The following NOVA1 variants were observed in gnomAD, a reference collection of about 807,000 sequenced individuals.
The protein encoded by NOVA1 is NOVA alternative splicing regulator 1, also known as RNA-binding protein Nova-1.
In NOVA1, 7 loss-of-function variants were observed where a neutral mutation model predicts 38.0. That is an observed-to-expected ratio of 0.18 (90% CI 0.10 to 0.35). The LOEUF is 0.35. NOVA1 is among the 10% of genes least tolerant of loss of function. NOVA1 has a pLI of 1.00. For missense variants in NOVA1, 460 were observed against 616.0 expected, an observed-to-expected ratio of 0.75 and a Z score of 2.68; for synonymous variants, 270 against 232.5, an observed-to-expected ratio of 1.16 and a Z score of -1.47.
chr14:26,470,411 C>A (rs908835180), intron 4 of NOVA1: 56 of 1,507,018 alleles, frequency 3.7e-5, no homozygotes. Context: ...TTGATGATTA[C>A]AATTCTTTCA....
At chr14:26,538,458 C>T (rs1003805766) in intron 2 of NOVA1, among the ~76,000 whole-genome samples, 1 of 151,992 alleles carries the variant, frequency 6.6e-6, no homozygotes, top group Non-Finnish European at 1.5e-5. Flanking sequence ...ACATTTTTAC[C>T]ATGGAAAAGT....
chr14:26,496,662 A>AT (rs1886817532), intron 2 of NOVA1, among the ~76,000 whole-genome samples: 1 of 152,082 alleles, frequency 6.6e-6, no homozygotes, highest in Non-Finnish European at 1.5e-5. Flanking sequence ...TCTTGAATTG[A>AT]TTTTTGTATA....
rs1042126163 is a variant in NOVA1 at position 26,534,388 on chromosome 14, G to A, written c.281-54245C>T. Among the ~76,000 whole-genome samples the A allele has an allele frequency of 6.6e-5, 10 of 151,868 alleles. 1 individual carries two copies. Among genetic ancestry groups the A allele is most frequent in the East Asian group, 1.9e-4 (1 of 5,184 alleles). On this transcript the variant is annotated intron_variant, in intron 2 of 4. Coordinates refer to ENST00000539517, the MANE Select transcript of NOVA1 (RefSeq NM_002515.3). ...TCTCTATGATTAGGAAAAAATACCC[G>A]TCTGAAAACAACAGAAAATATCATG...
chr14:26,550,340 T>C lies in NOVA1; in HGVS notation c.280+45070A>G, dbSNP rs145909489. Among the ~76,000 whole-genome samples the C allele has an allele frequency of 3.3e-4, 51 of 152,296 alleles. No individual in the cohort carries two copies. In the East Asian group the frequency reaches 8.7e-3, roughly 26 times the overall value. On this transcript the variant is annotated intron_variant, in intron 2 of 4. Transcript: ENST00000539517. The stretch of plus-strand genomic sequence containing the variant: ...GTTATTCTGAAATTCCGAATTACTT[T>C]ATATTTGAAAAAGAATTTTTTGAAA...
chr14:26,507,709 C>T (rs991101977), intron 2 of NOVA1, among the ~76,000 whole-genome samples: 2 of 152,090 alleles, frequency 1.3e-5, no homozygotes, highest in Non-Finnish European at 2.9e-5. Context: ...AAGTTTCCTA[C>T]TGTTTTTCCA....
intron 2 of NOVA1, among the ~76,000 whole-genome samples, chr14:26,589,951 T>C (rs1594591857): frequency 6.6e-6 from 1 of 151,820 alleles, no homozygotes; most frequent in East Asian, 1.9e-4. Context: ...TCCTTGCATG[T>C]TGCGTTTTAT....
chr14:26,448,685 A>G lies in NOVA1; in HGVS notation c.798T>C (p.Asn266=), dbSNP rs1355550469. The G allele has an allele frequency of 1.2e-6, 2 of 1,614,084 alleles. No homozygotes were observed. Among genetic ancestry groups the G allele is most frequent in the East Asian group, 4.5e-5 (2 of 44,890 alleles). ...ANVTGPVANS[N]PTGSPYANTA... ...TGTTTGCATAAGGAGATCCGGTTGG[A>G]TTGGAATTTGCCACTGGACCTGTCA... The change falls in exon 5 of 5, where the codon AAT becomes AAC. Residue 266 remains asparagine (N), a synonymous_variant. Transcript: ENST00000539517. The surrounding 1 kb of genome is among the most constrained non-coding windows in gnomAD (Gnocchi z 5.3).
At chr14:26,585,683 A>C (rs1487289704) in intron 2 of NOVA1, among the ~76,000 whole-genome samples, 4 of 151,206 alleles carry the variant, frequency 2.6e-5, no homozygotes, top group African/African-American at 9.7e-5. Flanking sequence ...CTAATTCTTA[A>C]ACTCATATTG....
At chr14:26,559,492 A>C (rs2138675826) in intron 2 of NOVA1, among the ~76,000 whole-genome samples, 1 of 152,332 alleles carries the variant, frequency 6.6e-6, no homozygotes, top group Admixed American at 6.5e-5. Flanking sequence ...TTACAAATAC[A>C]AATATCAATG....
chr14:26,535,147 TA>T (rs1889975447), intron 2 of NOVA1, among the ~76,000 whole-genome samples: 2 of 152,268 alleles, frequency 1.3e-5, no homozygotes, highest in South Asian at 4.1e-4. Context: ...CAACCAGGAA[TA>T]ATATTACATG....
intron 2 of NOVA1, among the ~76,000 whole-genome samples, chr14:26,487,247 G>A (rs1031600897): frequency 7.2e-5 from 11 of 152,206 alleles, no homozygotes; most frequent in Admixed American, 5.9e-4. Flanking sequence ...GGTCTTCTCT[G>A]AAGCTCACAA....
At chr14:26,495,350 C>T (rs373364067) in intron 2 of NOVA1, among the ~76,000 whole-genome samples, 2 of 152,274 alleles carry the variant, frequency 1.3e-5, no homozygotes, top group East Asian at 3.9e-4. Context: ...TCTGGTGGAA[C>T]AAAAGGTCCA....
At chr14:26,464,612 C>G (rs1282756345) in intron 4 of NOVA1, among the ~76,000 whole-genome samples, 2 of 152,080 alleles carry the variant, frequency 1.3e-5, no homozygotes, top group Non-Finnish European at 2.9e-5. Flanking sequence ...TTAATGCTGG[C>G]TGATCTCAAT....
At chr14:26,558,982 C>T (rs182779131) in intron 2 of NOVA1, among the ~76,000 whole-genome samples, 19 of 152,094 alleles carry the variant, frequency 1.2e-4, no homozygotes, top group African/African-American at 4.3e-4. Flanking sequence ...TCATGCACCT[C>T]GCTTGGATGC....
chr14:26,472,353 T>C lies in NOVA1; in HGVS notation c.486A>G (p.Pro162=). 6.3e-7 allele frequency: 1 copy of C among 1,581,312 alleles called. No homozygotes were observed. Among genetic ancestry groups the C allele is most frequent in the Non-Finnish European group, 8.6e-7 (1 of 1,161,076 alleles). Residue 162 remains proline (P), a synonymous_variant, in exon 4 of 5, where the codon CCA becomes CCG. Transcript: ENST00000539517. ...CTCTGGAGGTGGTCATGGGATCAGATGGAGAGGACTTGGTGGTAGTTGGGG... is the reference window on the plus strand; with the variant it reads ...CTCTGGAGGTGGTCATGGGATCAGACGGAGAGGACTTGGTGGTAGTTGGGG... ...PSSPTTTKSS[P]SDPMTTSRAN...
chr14:26,516,032 T>A (rs1888440220), intron 2 of NOVA1, among the ~76,000 whole-genome samples: 1 of 152,160 alleles, frequency 6.6e-6, no homozygotes, highest in Non-Finnish European at 1.5e-5. Flanking sequence ...TTTATGAGAG[T>A]TAATCCACAT....
intron 2 of NOVA1, among the ~76,000 whole-genome samples, chr14:26,498,610 T>C (rs1887002357): frequency 6.6e-6 from 1 of 152,168 alleles, no homozygotes; most frequent in Non-Finnish European, 1.5e-5. Context: ...CATTTGTATA[T>C]GTAGTATCAG....
chr14:26,514,874 C>T (rs1222803914), intron 2 of NOVA1, among the ~76,000 whole-genome samples: 1 of 151,756 alleles, frequency 6.6e-6, no homozygotes, highest in Non-Finnish European at 1.5e-5. Context: ...TATATTTGTC[C>T]TTACCTTCAA....
At chr14:26,532,295 AAT>A (rs1889772158) in intron 2 of NOVA1, among the ~76,000 whole-genome samples, 1 of 152,250 alleles carries the variant, frequency 6.6e-6, no homozygotes, top group Admixed American at 6.5e-5. Flanking sequence ...AAGGTCCATT[AAT>A]AGATAAATAA....
Sources: allele counts gnomAD v4.1 joint callset (sites outside exome capture counted in the v4.1 genomes callset), GRCh38; gene constraint gnomAD v4.1.1; non-coding constraint Gnocchi (gnomAD v3.1); transcripts MANE v1.5; gene names NCBI Gene and HGNC (gene_info 2026-07-23, HGNC 2026-07-21).